The following NUTM2F variants were observed in gnomAD, a reference collection of about 807,000 sequenced individuals.
The protein encoded by NUTM2F is family with sequence similarity 22, member F.
A neutral mutation model predicts 43.3 loss-of-function variants in NUTM2F; 22 were observed. That is an observed-to-expected ratio of 0.51 (90% CI 0.36 to 0.73). The LOEUF is 0.73. NUTM2F is among the 30% of genes least tolerant of loss of function. The pLI is 0.00. For missense variants in NUTM2F, 488 were observed against 927.4 expected, an observed-to-expected ratio of 0.53 and a Z score of 6.15; for synonymous variants, 202 against 389.0, an observed-to-expected ratio of 0.52 and a Z score of 5.66.
At chr9:94,326,006 G>T in intron 1 of NUTM2F, 72 bp from the exon 2 acceptor site, 1 of 1,571,388 alleles carries the variant, frequency 6.4e-7, no homozygotes, top group Non-Finnish European at 8.7e-7. Context: ...GGAATCAGGG[G>T]AGTCCCAACA....
chr9:94,321,372 C>T (rs546581312), intron 3 of NUTM2F, 140 bp from the exon 4 acceptor site: 54 of 1,406,264 alleles, frequency 3.8e-5, no homozygotes, highest in Non-Finnish European at 4.9e-5. Flanking sequence ...ATCCCCCAGT[C>T]CCAGGAGGGA....
chr9:94,324,551 T>C (rs1381808208), intron 2 of NUTM2F, among the ~76,000 whole-genome samples: 4 of 150,590 alleles, frequency 2.7e-5, no homozygotes, highest in Non-Finnish European at 5.9e-5. Context: ...TAGTCCCAGC[T>C]ACTCGGGAGC....
chr9:94,323,122 A>G (rs1011842547), intron 2 of NUTM2F, among the ~76,000 whole-genome samples: 12 of 152,080 alleles, frequency 7.9e-5, no homozygotes, highest in Non-Finnish European at 1.6e-4. Context: ...AGCCACTGCA[A>G]GCAGCCAGGC....
chr9:94,318,739 C>T lies in NUTM2F; in HGVS notation c.1997G>A (p.Ser666Asn), dbSNP rs1831308744. The change falls in exon 7 of 7, where the codon AGC (serine) becomes AAC (asparagine). Residue 666 changes from serine to asparagine, a missense_variant. By Grantham distance (46) the Ser-to-Asn change is conservative. Coordinates refer to ENST00000253262, the MANE Select transcript of NUTM2F (RefSeq NM_017561.2). The stretch of plus-strand genomic sequence containing the variant: ...TCCCTGGGGTCCTCTCCCTCCTGGG[C>T]TGAGAAGGCCCGAGGAAGGGACAGG... Reference protein sequence around the residue: ...QSPVPSSGLLSPGGRGPQGAL... With the variant: ...QSPVPSSGLLNPGGRGPQGAL... The T allele has an allele frequency of 5.0e-6, 8 of 1,586,394 alleles. No homozygotes were observed. Among genetic ancestry groups the T allele is most frequent in the Admixed American group, 1.8e-5 (1 of 54,556 alleles).
chr9:94,320,189 G>A lies in NUTM2F; in HGVS notation c.1368+19C>T, dbSNP rs1463175097. 2.5e-6 allele frequency: 4 copies of A among 1,608,354 alleles called. No individual in the cohort carries two copies. The highest frequency in any genetic ancestry group is 3.3e-5 in the Admixed American group (2 of 59,864). On this transcript the variant is annotated intron_variant, in intron 5 of 6. Coordinates refer to ENST00000253262, the MANE Select transcript of NUTM2F (RefSeq NM_017561.2). This position sits in a 1 kb window ranked among gnomAD's most constrained non-coding sequence, Gnocchi z 4.5. ...ACCCCCTGGAATCCTACAGACCACA[G>A]CACTCCAGGCAAGCCCACCTTGGTG...
In NUTM2F at chr9:94,322,269, C is replaced by A. The variant is rs1198386598; in HGVS notation, c.774G>T (p.Trp258Cys). 10 of 1,611,970 alleles carry A rather than the reference C, an allele frequency of 6.2e-6. No individual in the cohort carries two copies. Among genetic ancestry groups the A allele is most frequent in the Non-Finnish European group, 8.5e-6 (10 of 1,179,878 alleles). Residue 258 changes from tryptophan (W) to cysteine (C), a missense_variant, in exon 3 of 7, where the codon TGG (tryptophan) becomes TGT (cysteine). Coordinates refer to ENST00000253262, the MANE Select transcript of NUTM2F (RefSeq NM_017561.2). ...TGTGCTGCCATTCCCGCATGGCCTG[C>A]CACAGTCCCTCCTCCAGCGTCATGG... ...KPTMTLEEGLWQAMREWQHTS... is the reference protein window; with the variant it reads ...KPTMTLEEGLCQAMREWQHTS...
In NUTM2F at chr9:94,320,208, C is replaced by T. The variant is rs1472762084; in HGVS notation, c.1368G>A (p.Lys456=). 6.2e-7 allele frequency: 1 copy of T among 1,613,330 alleles called. No homozygotes were observed. The change falls in exon 5 of 7, where the codon AAG becomes AAA. Residue 456 remains lysine (K), a splice_region_variant and synonymous_variant. Transcript: ENST00000253262. This position sits in a 1 kb window ranked among gnomAD's most constrained non-coding sequence, Gnocchi z 4.5. ...ACCACAGCACTCCAGGCAAGCCCAC[C>T]TTGGTGACAAAGTCTTCCTGGGAAC... ...KLCSQEDFVT[K]VEAVIHPRFL...
At chr9:94,324,494 C>G (rs190488446) in intron 2 of NUTM2F, among the ~76,000 whole-genome samples, 35 of 149,332 alleles carry the variant, frequency 2.3e-4, no homozygotes, top group Admixed American at 2.1e-3. Context: ...AACCCCGTCT[C>G]TACTAAAAAT....
chr9:94,325,636 G>T lies in NUTM2F; in HGVS notation c.315C>A (p.Ala105=), dbSNP rs1238260754. The T allele has an allele frequency of 1.2e-6, 2 of 1,606,734 alleles. No individual in the cohort carries two copies. Among genetic ancestry groups the T allele is most frequent in the Non-Finnish European group, 8.5e-7 (1 of 1,178,372 alleles). ...TGCCTGGAGCCTGCCAGACGAGGGG[G>T]GCCTGAGTTAGGATCAAGGTCTGTG... ...PQAQTLILTQ[A]PLVWQAPGTL... Residue 105 remains alanine (A), a synonymous_variant, in exon 2 of 7, where the codon GCC becomes GCA. Coordinates refer to ENST00000253262, the MANE Select transcript of NUTM2F (RefSeq NM_017561.2).
chr9:94,322,407 C>T lies in NUTM2F; in HGVS notation c.714-78G>A, dbSNP rs554562776. The T allele has an allele frequency of 1.9e-6, 3 of 1,580,298 alleles. No individual in the cohort carries two copies. In the African/African-American group the frequency reaches 4.0e-5, roughly 21 times the overall value. On this transcript the variant is annotated intron_variant, in intron 2 of 6. Coordinates refer to ENST00000253262, the MANE Select transcript of NUTM2F (RefSeq NM_017561.2). ...CCCACCTGGTCCCAACACCTGGCTC[C>T]TGTCCTCCCCACACCTGTCCTGCCA...
At chr9:94,323,461 C>A (rs1831405576) in intron 2 of NUTM2F, among the ~76,000 whole-genome samples, 1 of 152,172 alleles carries the variant, frequency 6.6e-6, no homozygotes, top group Non-Finnish European at 1.5e-5. Context: ...ACCACAAACT[C>A]TCCCAGATGC....
chr9:94,323,781 C>A (rs535667591), intron 2 of NUTM2F, among the ~76,000 whole-genome samples: 65 of 152,292 alleles, frequency 4.3e-4, no homozygotes, highest in African/African-American at 1.5e-3. Flanking sequence ...TGCCCAGCAT[C>A]GACCCTAGTG....
At chr9:94,319,922 A>G (rs1197144265) in intron 5 of NUTM2F, among the ~76,000 whole-genome samples, 193 bp from the exon 6 acceptor site, 1 of 152,132 alleles carries the variant, frequency 6.6e-6, no homozygotes, top group African/African-American at 2.4e-5. Context: ...ACAGAGACAC[A>G]CAAACCACAC....
At chr9:94,325,003 AT>A (rs1831432481) in intron 2 of NUTM2F, among the ~76,000 whole-genome samples, 1 of 143,832 alleles carries the variant, frequency 7.0e-6, no homozygotes, top group Admixed American at 6.9e-5. Flanking sequence ...AAAAAAAAAA[AT>A]TAAGGATTGG....
intron 2 of NUTM2F, among the ~76,000 whole-genome samples, chr9:94,323,690 A>T (rs1831409080): frequency 6.6e-6 from 1 of 152,202 alleles, no homozygotes; most frequent in Admixed American, 6.5e-5. Flanking sequence ...ATGTGAGCTC[A>T]GGTCATCTCT....
chr9:94,323,075 G>A (rs1337797620), intron 2 of NUTM2F, among the ~76,000 whole-genome samples: 5 of 152,272 alleles, frequency 3.3e-5, no homozygotes, highest in African/African-American at 9.6e-5. Context: ...TTGAGGAGCA[G>A]GAGCACACGT....
chr9:94,322,444 C>T lies in NUTM2F; in HGVS notation c.714-115G>A, dbSNP rs888049031. ...CACCTGTCCTGCCATCTGTCCCTGT[C>T]CTGTTCTCCCCCATGTGGGCTCCTC... On this transcript the variant is annotated intron_variant, in intron 2 of 6. Coordinates refer to ENST00000253262, the MANE Select transcript of NUTM2F (RefSeq NM_017561.2). 1.8e-5 allele frequency: 26 copies of T among 1,464,688 alleles called. No homozygotes were observed. The African/African-American group carries it at 2.1e-4, about 12-fold the overall frequency. The allele number at this position is 1,464,688 out of a possible 1,614,324, so 90.7% of individuals were successfully genotyped here. A position where few individuals can be genotyped will look rare whatever the true frequency, so the allele number is the denominator to read the frequency against.
chr9:94,326,847 T>C (rs571347889), intron 1 of NUTM2F, among the ~76,000 whole-genome samples: 38 of 151,420 alleles, frequency 2.5e-4, no homozygotes, highest in African/African-American at 8.5e-4. Context: ...ACGCCCAGCA[T>C]GCAAGTGATT....
rs573735635 is a variant in NUTM2F at position 94,321,054 on chromosome 9, C to G, written c.982+39G>C. 40 of 1,533,834 alleles carry G rather than the reference C, an allele frequency of 2.6e-5. No homozygotes were observed. In the African/African-American group the frequency reaches 4.4e-4, roughly 17 times the overall value. ...CAGTGGCCTCCCTTGGCCCCTTTGG[C>G]CTTTGCCATGGCTCCTGTGGGAATG... is the stretch of plus-strand genomic sequence containing the variant. On this transcript the variant is annotated intron_variant, in intron 4 of 6. Transcript: ENST00000253262.
Sources: allele counts gnomAD v4.1 joint callset (sites outside exome capture counted in the v4.1 genomes callset), GRCh38; gene constraint gnomAD v4.1.1; non-coding constraint Gnocchi (gnomAD v3.1); transcripts MANE v1.5; gene names NCBI Gene and HGNC (gene_info 2026-07-23, HGNC 2026-07-21).